The following NCKAP5 variants were observed in gnomAD, a reference collection of about 807,000 sequenced individuals.
NCKAP5 encodes the protein NCK associated protein 5.
In NCKAP5, 92 loss-of-function variants were observed where a neutral mutation model predicts 167.0. The observed-to-expected ratio is 0.55, with a 90% confidence interval of 0.47 to 0.66. NCKAP5 has a LOEUF of 0.66. NCKAP5 is among the 30% of genes least tolerant of loss of function. NCKAP5 has a pLI of 0.00. For synonymous variants in NCKAP5, 891 were observed against 877.4 expected, an observed-to-expected ratio of 1.02 and a Z score of -0.27; for missense variants, 2,378 against 2,315.0, an observed-to-expected ratio of 1.03 and a Z score of -0.56.
intron 4 of NCKAP5, among the ~76,000 whole-genome samples, chr2:133,245,789 C>G (rs116176827): frequency 6.6e-6 from 1 of 151,278 alleles, no homozygotes; most frequent in Non-Finnish European, 1.5e-5. Flanking sequence ...ATGCTTGTGG[C>G]CAATATTTTA....
At chr2:132,719,595 T>C (rs966113083) in intron 19 of NCKAP5, among the ~76,000 whole-genome samples, 1 of 152,082 alleles carries the variant, frequency 6.6e-6, no homozygotes, top group East Asian at 1.9e-4. Context: ...GGATGATGCA[T>C]TTAAGGGGCA....
chr2:133,507,335 C>T (rs1683100408), intron 3 of NCKAP5, among the ~76,000 whole-genome samples: 2 of 152,192 alleles, frequency 1.3e-5, no homozygotes, highest in African/African-American at 4.8e-5. Context: ...TTTCCCTCTA[C>T]ACATCTATGT....
the NCKAP5 span, among the ~76,000 whole-genome samples, chr2:133,606,871 C>A: frequency 6.6e-6 from 1 of 152,124 alleles, no homozygotes. Context: ...TTGCTTTGCC[C>A]CAGATATTGC....
intron 16 of NCKAP5, among the ~76,000 whole-genome samples, chr2:132,754,404 A>C (rs1395635882): frequency 1.3e-5 from 2 of 152,216 alleles, no homozygotes; most frequent in Admixed American, 1.3e-4. Flanking sequence ...GCAAGACAAT[A>C]ATGCACATGG....
rs190914258 is a variant in NCKAP5 at position 132,894,987 on chromosome 2, A to G, written c.580-16071T>C. ...CTGAGAGGGAACATAAGGACTTGGG[A>G]AACCCTTTGACTTGTTTTTGTCATC... On this transcript the variant is annotated intron_variant, in intron 8 of 19. Coordinates refer to ENST00000409261, the MANE Select transcript of NCKAP5 (RefSeq NM_207363.3). Among the ~76,000 whole-genome samples the G allele has an allele frequency of 8.5e-4, 130 of 152,276 alleles. 1 individual carries two copies. The highest frequency in any genetic ancestry group is 2.8e-3 in the African/African-American group (117 of 41,558).
intron 3 of NCKAP5, among the ~76,000 whole-genome samples, chr2:133,434,891 T>A: frequency 6.6e-6 from 1 of 152,124 alleles, no homozygotes; most frequent in Non-Finnish European, 1.5e-5. Context: ...GGGTTCAGAG[T>A]ATGCACACCT....
chr2:132,864,272 T>C (rs1690165890), intron 10 of NCKAP5, among the ~76,000 whole-genome samples: 1 of 152,068 alleles, frequency 6.6e-6, no homozygotes, highest in Non-Finnish European at 1.5e-5. Flanking sequence ...GATTGTGTCT[T>C]CAGATAAGAA....
At chr2:132,855,445 T>C (rs1305375865) in intron 11 of NCKAP5, among the ~76,000 whole-genome samples, 2 of 152,170 alleles carry the variant, frequency 1.3e-5, no homozygotes, top group East Asian at 1.9e-4. Flanking sequence ...AAATTAGATA[T>C]CAGGTTTGTA....
chr2:133,222,816 T>C (rs1284954077), intron 4 of NCKAP5, among the ~76,000 whole-genome samples: 1 of 152,224 alleles, frequency 6.6e-6, no homozygotes, highest in Admixed American at 6.5e-5. Flanking sequence ...TTAACAAATA[T>C]GTAAAATAGC....
chr2:133,191,859 G>A (rs1232582290), intron 5 of NCKAP5, among the ~76,000 whole-genome samples: 1 of 151,954 alleles, frequency 6.6e-6, no homozygotes, highest in African/African-American at 2.4e-5. Context: ...CATGGCACAT[G>A]TATACATATG....
chr2:133,469,345 C>G (rs1283175607), intron 3 of NCKAP5, among the ~76,000 whole-genome samples: 1 of 152,138 alleles, frequency 6.6e-6, no homozygotes, highest in African/African-American at 2.4e-5. Context: ...GGCCCCCACT[C>G]TCTTCTGGCT....
chr2:132,920,771 G>GTATGTATGTATGTGTGTGTATA (rs1553479343), intron 8 of NCKAP5, among the ~76,000 whole-genome samples: 6 of 31,580 alleles, frequency 1.9e-4, no homozygotes, highest in African/African-American at 6.6e-4. Context: ...ATATATGTAT[G>GTATGTATGTATGTGTGTGTATA]TATATATATA....
upstream of NCKAP5, among the ~76,000 whole-genome samples, chr2:133,571,975 CAAA>C (rs111238105): frequency 7.1e-6 from 1 of 141,608 alleles, no homozygotes; most frequent in Non-Finnish European, 1.6e-5. Flanking sequence ...AACTCCATCT[CAAA>C]AAAAAAAAAA....
chr2:133,554,142 T>C (rs1835818), intron 2 of NCKAP5, among the ~76,000 whole-genome samples: 42,522 of 152,036 alleles, frequency 0.28, 6,411 homozygotes, highest in East Asian at 0.38. Flanking sequence ...TTCTGACCTG[T>C]AGATAATCTT....
chr2:132,933,278 A>G (rs1324994999), intron 8 of NCKAP5, among the ~76,000 whole-genome samples: 1 of 151,938 alleles, frequency 6.6e-6, no homozygotes, highest in Non-Finnish European at 1.5e-5. Context: ...GTTATACACA[A>G]CCATGGTTTG....
At chr2:133,476,164 T>C (rs1244741577) in intron 3 of NCKAP5, among the ~76,000 whole-genome samples, 1 of 152,214 alleles carries the variant, frequency 6.6e-6, no homozygotes, top group Non-Finnish European at 1.5e-5. Context: ...ACAGAGGTTT[T>C]GTTGAGCCCT....
intron 4 of NCKAP5, among the ~76,000 whole-genome samples, chr2:133,246,920 C>T (rs2088029541): frequency 6.6e-6 from 1 of 152,180 alleles, no homozygotes; most frequent in African/African-American, 2.4e-5. Flanking sequence ...ATTTACTCCT[C>T]CTTGGATTCC....
chr2:133,576,167 A>G, the NCKAP5 span, among the ~76,000 whole-genome samples: 1 of 152,204 alleles, frequency 6.6e-6, no homozygotes, highest in East Asian at 1.9e-4. Context: ...GCAAGGCTCC[A>G]GGGCCTAAGG....
chr2:133,216,826 C>T (rs1005117793), intron 4 of NCKAP5, among the ~76,000 whole-genome samples: 4 of 151,926 alleles, frequency 2.6e-5, no homozygotes, highest in Non-Finnish European at 5.9e-5. Context: ...GTGGCTGTGT[C>T]GGAGGAGTAA....
Sources: gnomAD v4.1 joint callset for allele counts (sites outside exome capture counted in the v4.1 genomes callset) on GRCh38, gnomAD v4.1.1 for gene constraint, MANE v1.5 for transcripts, NCBI Gene and HGNC (gene_info 2026-07-23, HGNC 2026-07-21) for gene names.